Variants in CD58 observed in about 807,000 individuals in gnomAD.
The protein encoded by CD58 is CD58 molecule, also known as lymphocyte function-associated antigen 3.
In CD58, 14 loss-of-function variants were observed where a neutral mutation model predicts 27.6. The ratio of observed to expected loss-of-function variants is 0.51; its 90% CI spans 0.34 to 0.79. CD58 has a LOEUF of 0.79. CD58 is among the 30% of genes least tolerant of loss of function. The pLI is 0.02. For synonymous variants in CD58, 117 were observed against 103.8 expected (o/e 1.13, Z -0.77); for missense variants, 268 against 301.7 (o/e 0.89, Z 0.83).
In CD58 at chr1:116,546,868, C is replaced by T. The variant is rs1658193807; in HGVS notation, c.71-2264G>A. Among the ~76,000 whole-genome samples, 1 of 152,090 alleles carries T rather than the reference C, an allele frequency of 6.6e-6. No individual in the cohort carries two copies. The highest frequency in any genetic ancestry group is 1.5e-5 in the Non-Finnish European group (1 of 68,016). On this transcript the variant is annotated intron_variant, in intron 1 of 5. Transcript: ENST00000369489. The surrounding 1 kb of genome is among the most constrained non-coding windows in gnomAD (Gnocchi z 4.1). ...TGGATTTTCTTCCGCCTCTGCCATC[C>T]CTGAGATAGCAAGACCAACCCCTCC...
rs1657107638 is a variant in CD58 at position 116,517,163 on chromosome 1, C to A, written c.743+2068G>T. Among the ~76,000 whole-genome samples, 1 of 152,000 alleles carries A rather than the reference C, an allele frequency of 6.6e-6. No homozygotes were observed. The highest frequency in any genetic ancestry group is 2.4e-5 in the African/African-American group (1 of 41,374). ...GTAACCACCTAGATCTCAGCAGAGA[C>A]CTGACTTGGCTCTCACACTCACCTG... On this transcript the variant is annotated intron_variant, in intron 5 of 5. Coordinates refer to ENST00000369489, the MANE Select transcript of CD58 (RefSeq NM_001779.3). The surrounding 1 kb of genome is among the most constrained non-coding windows in gnomAD (Gnocchi z 6.5).
chr1:116,534,171 G>A lies in CD58; in HGVS notation c.628+1794C>T, dbSNP rs1386430625. The A allele has an allele frequency of 1.1e-5, 7 of 628,062 alleles. No individual in the cohort carries two copies. The highest frequency in any genetic ancestry group is 8.6e-5 in the Admixed American group (4 of 46,336). The allele number at this position is 628,062 out of a possible 1,614,324, so 38.9% of individuals were successfully genotyped here. A position where few individuals can be genotyped will look rare whatever the true frequency, so the allele number is the denominator to read the frequency against. ...TAAGGCACTCAGGCCAGTCCTCGGGGAGCACACGCCGCCCATCTGGCTCGC... is the reference window on the plus strand; with the variant it reads ...TAAGGCACTCAGGCCAGTCCTCGGGAAGCACACGCCGCCCATCTGGCTCGC... On this transcript the variant is annotated intron_variant, in intron 3 of 5. Coordinates refer to ENST00000369489, the MANE Select transcript of CD58 (RefSeq NM_001779.3). The surrounding 1 kb of genome is among the most constrained non-coding windows in gnomAD (Gnocchi z 5.3).
chr1:116,518,787 C>T (rs1410569373), intron 5 of CD58: 1 of 1,008,864 alleles, frequency 9.9e-7, no homozygotes, highest in Non-Finnish European at 1.2e-6. Flanking sequence ...CTGACCCTGG[C>T]TCCTGAAGTG....
chr1:116,558,385 C>G (rs1453748617), intron 1 of CD58, among the ~76,000 whole-genome samples: 1 of 152,156 alleles, frequency 6.6e-6, no homozygotes, highest in Non-Finnish European at 1.5e-5. Context: ...CCTCTCACTT[C>G]TCTGCGTTTG....
chr1:116,547,610 C>T (rs535911131), intron 1 of CD58, among the ~76,000 whole-genome samples: 55 of 152,096 alleles, frequency 3.6e-4, no homozygotes, highest in Middle Eastern at 3.4e-3. Context: ...ATTACAGACA[C>T]GAGCCACCGC....
At chr1:116,544,256 G>C in intron 2 of CD58, 55 bp downstream of exon 2, 1 of 1,242,236 alleles carries the variant, frequency 8.1e-7, no homozygotes, top group African/African-American at 1.5e-5. Context: ...TCTGAAAACA[G>C]ACTAAAAAAA....
At chr1:116,569,540 A>ACAC (rs1157254698) in intron 1 of CD58, among the ~76,000 whole-genome samples, 2 of 150,774 alleles carry the variant, frequency 1.3e-5, no homozygotes, top group Non-Finnish European at 2.9e-5. Context: ...TTCACAAAAG[A>ACAC]CACTTGATTT....
At chr1:116,530,655 T>C (rs1209588577) in intron 3 of CD58, among the ~76,000 whole-genome samples, 2 of 152,172 alleles carry the variant, frequency 1.3e-5, no homozygotes, top group African/African-American at 4.8e-5. Flanking sequence ...TGATAAAGCA[T>C]TGGAAAGTTT....
Position 116,519,200 on chromosome 1 carries a change from G to C in CD58, c.743+31C>G, listed in dbSNP as rs768834198. The stretch of plus-strand genomic sequence containing the variant: ...CTACAGCAGGGCTGCTGTTGTTCTG[G>C]CACAGAGTGCACAGCCTGCAGTGTA... On this transcript the variant is annotated intron_variant, in intron 5 of 5. Coordinates refer to ENST00000369489, the MANE Select transcript of CD58 (RefSeq NM_001779.3). This position sits in a 1 kb window ranked among gnomAD's most constrained non-coding sequence, Gnocchi z 4.7. 1.2e-6 allele frequency: 2 copies of C among 1,611,400 alleles called. No homozygotes were observed. The highest frequency in any genetic ancestry group is 1.7e-6 in the Non-Finnish European group (2 of 1,178,642).
At chr1:116,555,966 G>A (rs959067751) in intron 1 of CD58, among the ~76,000 whole-genome samples, 1 of 152,018 alleles carries the variant, frequency 6.6e-6, no homozygotes, top group African/African-American at 2.4e-5. Flanking sequence ...CTATAAATAG[G>A]TACTCACCAC....
rs1225911590 is a variant in CD58 at position 116,570,816 on chromosome 1, C to A, written c.70+87G>T. 1.9e-6 allele frequency: 2 copies of A among 1,063,480 alleles called. No individual in the cohort carries two copies. Among genetic ancestry groups the A allele is most frequent in the South Asian group, 1.5e-5 (1 of 66,238 alleles). The allele number at this position is 1,063,480 out of a possible 1,614,324, so 65.9% of individuals were successfully genotyped here. ...TCCCCACCCGTCTCTGATCGGCAAC[C>A]GCCTCGAGCCCGGCGCGTCCACCCA... On this transcript the variant is annotated intron_variant, in intron 1 of 5. Coordinates refer to ENST00000369489, the MANE Select transcript of CD58 (RefSeq NM_001779.3). The surrounding 1 kb of genome is among the most constrained non-coding windows in gnomAD (Gnocchi z 6.4).
In CD58 at chr1:116,532,955, G is replaced by A. The variant is rs2101171108; in HGVS notation, c.628+3010C>T. 1 of 1,069,060 alleles carries A rather than the reference G, an allele frequency of 9.4e-7. No individual in the cohort carries two copies. Among genetic ancestry groups the A allele is most frequent in the Non-Finnish European group, 1.4e-6 (1 of 727,090 alleles). The allele number at this position is 1,069,060 out of a possible 1,614,324, so 66.2% of individuals were successfully genotyped here. ...CACTTCCTACTGCTGCTTGCATTCC[G>A]CCGGCTGGCTGGGTTCCTTGTTGGG... is the stretch of plus-strand genomic sequence containing the variant. On this transcript the variant is annotated intron_variant, in intron 3 of 5. Coordinates refer to ENST00000369489, the MANE Select transcript of CD58 (RefSeq NM_001779.3). The surrounding 1 kb of genome is among the most constrained non-coding windows in gnomAD (Gnocchi z 5.1).
chr1:116,560,928 T>C (rs538517157), intron 1 of CD58, among the ~76,000 whole-genome samples: 1 of 152,318 alleles, frequency 6.6e-6, no homozygotes, highest in African/African-American at 2.4e-5. Context: ...TTGAGATTTG[T>C]CATTGCAGAA....
Position 116,563,969 on chromosome 1 carries a change from G to A in CD58, c.70+6934C>T, listed in dbSNP as rs528608012. On this transcript the variant is annotated intron_variant, in intron 1 of 5. Coordinates refer to ENST00000369489, the MANE Select transcript of CD58 (RefSeq NM_001779.3). This position sits in a 1 kb window ranked among gnomAD's most constrained non-coding sequence, Gnocchi z 4.1. ...TTTTTCTTTTCTATTGCATCATTGG[G>A]CTGCAAATTTTTTGAACTTTTATGC... is the stretch of plus-strand genomic sequence containing the variant. 7.2e-5 allele frequency among the ~76,000 whole-genome samples: 11 copies of A among 152,268 alleles called. No homozygotes were observed. The South Asian group carries it at 2.3e-3, about 32-fold the overall frequency.
chr1:116,533,004 C>G (rs1657668870), intron 3 of CD58: 4 of 750,338 alleles, frequency 5.3e-6, no homozygotes, highest in Non-Finnish European at 2.3e-6. Context: ...TCATCCTCAT[C>G]TTCTCCCTCC....
At chr1:116,564,548 G>T (rs773884827) in intron 1 of CD58, among the ~76,000 whole-genome samples, 4 of 152,198 alleles carry the variant, frequency 2.6e-5, no homozygotes, top group Non-Finnish European at 4.4e-5. Context: ...CCTGGCCAGG[G>T]AGGCCCCACA....
Position 116,520,507 on chromosome 1 carries a change from C to CT in CD58, c.707-1241dup, listed in dbSNP as rs55881110. ...GAGTAATTTTCTGTATATTGAATGA[C>CT]TTTTTTTTTTTTTTTTAAGTGAAAT... On this transcript the variant is annotated intron_variant, in intron 4 of 5. Coordinates refer to ENST00000369489, the MANE Select transcript of CD58 (RefSeq NM_001779.3). Among the ~76,000 whole-genome samples the CT allele has an allele frequency of 4.9e-3, 659 of 135,682 alleles. 2 individuals are homozygous for CT. Among genetic ancestry groups the CT allele is most frequent in the African/African-American group, 0.011 (407 of 36,856 alleles). 89.0% of individuals were successfully genotyped at this position (135,682 alleles called of 152,430 possible). A position where few individuals can be genotyped will look rare whatever the true frequency, so the allele number is the denominator to read the frequency against.
rs1657251321 is a variant in CD58, at chr1:116,521,171, C to T, written c.706+735G>A. Among the ~76,000 whole-genome samples, 1 of 152,168 alleles carries T rather than the reference C, an allele frequency of 6.6e-6. No homozygotes were observed. Among genetic ancestry groups the T allele is most frequent in the South Asian group, 2.1e-4 (1 of 4,828 alleles). On this transcript the variant is annotated intron_variant, in intron 4 of 5. Coordinates refer to ENST00000369489, the MANE Select transcript of CD58 (RefSeq NM_001779.3). This position sits in a 1 kb window ranked among gnomAD's most constrained non-coding sequence, Gnocchi z 5.6. Reference sequence around the variant, plus strand: ...AGGAAACTGAAATCTAGTTTATAAACTTGATTCATGACACAATGGATCCTA... The same window carrying T: ...AGGAAACTGAAATCTAGTTTATAAATTTGATTCATGACACAATGGATCCTA...
Position 116,536,190 on chromosome 1 carries a change from T to TAGTCAATGC in CD58, c.394_402dup (p.Ala132_Thr134dup). ...ATGCATTGGACTTCAATGCTTCCAT[T>TAGTCAATGC]AGTCAATGCACAAGTTAGTGTGGGA... On this transcript the variant is annotated inframe_insertion, in exon 3 of 6. Coordinates refer to ENST00000369489, the MANE Select transcript of CD58 (RefSeq NM_001779.3). This position sits in a 1 kb window ranked among gnomAD's most constrained non-coding sequence, Gnocchi z 5.4. The TAGTCAATGC allele has an allele frequency of 8.7e-6, 14 of 1,612,862 alleles. No homozygotes were observed. Among genetic ancestry groups the TAGTCAATGC allele is most frequent in the Non-Finnish European group, 1.2e-5 (14 of 1,179,000 alleles).
Sources: gnomAD v4.1 joint callset for allele counts (sites outside exome capture counted in the v4.1 genomes callset) on GRCh38, gnomAD v4.1.1 for gene constraint, Gnocchi (gnomAD v3.1) non-coding constraint, MANE v1.5 for transcripts, NCBI Gene and HGNC (gene_info 2026-07-23, HGNC 2026-07-21) for gene names.